The following PRKCH variants were observed in gnomAD, a reference collection of about 807,000 sequenced individuals.
PRKCH encodes protein kinase C eta.
In PRKCH, 28 loss-of-function variants were observed where a neutral mutation model predicts 82.5. The ratio of observed to expected loss-of-function variants is 0.34; its 90% CI spans 0.25 to 0.47. The LOEUF (loss-of-function observed/expected upper bound fraction) is 0.47, where lower values mean the gene tolerates loss of function less well. PRKCH is among the 20% of genes least tolerant of loss of function. The pLI is 1.00. For synonymous variants in PRKCH, 322 were observed against 327.4 expected (o/e 0.98, Z 0.18); for missense variants, 705 against 881.8 (o/e 0.80, Z 2.54).
intron 10 of PRKCH, among the ~76,000 whole-genome samples, chr14:61,491,469 T>A (rs902959632): frequency 6.6e-6 from 1 of 152,240 alleles, no homozygotes; most frequent in African/African-American, 2.4e-5. Context: ...CTGGGACTGA[T>A]ACTGGCTCTT....
At chr14:61,453,154 A>G (rs1884590610) in intron 6 of PRKCH, 72 bp from the exon 7 acceptor site, 1 of 1,574,598 alleles carries the variant, frequency 6.4e-7, no homozygotes, top group African/African-American at 1.4e-5. Context: ...TAGGCTATTA[A>G]AGTTCTCTGT....
intron 9 of PRKCH, among the ~76,000 whole-genome samples, chr14:61,463,968 A>G (rs1241503910): frequency 6.6e-6 from 1 of 152,222 alleles, no homozygotes; most frequent in Non-Finnish European, 1.5e-5. Flanking sequence ...CCATTCATCC[A>G]CTGGTGAACA....
chr14:61,482,391 T>C (rs1886020035), intron 9 of PRKCH, among the ~76,000 whole-genome samples: 1 of 152,226 alleles, frequency 6.6e-6, no homozygotes, highest in Non-Finnish European at 1.5e-5. Flanking sequence ...TCTTTGCCTC[T>C]CTGCAGCAAA....
At chr14:61,520,536 G>T (rs1294597786) in intron 10 of PRKCH, among the ~76,000 whole-genome samples, 2 of 151,982 alleles carry the variant, frequency 1.3e-5, no homozygotes, top group African/African-American at 2.4e-5. Flanking sequence ...CCCATAATAT[G>T]AGCTTCTTAA....
chr14:61,487,763 G>A (rs987568713), intron 10 of PRKCH, among the ~76,000 whole-genome samples: 7 of 152,032 alleles, frequency 4.6e-5, no homozygotes, highest in Admixed American at 2.6e-4. Flanking sequence ...AAGGCTGAGC[G>A]GGGAGGATCG....
chr14:61,393,889 C>G (rs1284642937), intron 2 of PRKCH, among the ~76,000 whole-genome samples: 10 of 152,240 alleles, frequency 6.6e-5, no homozygotes, highest in Admixed American at 6.5e-4. Flanking sequence ...CCCTCCTTCA[C>G]GTGTCAGATT....
intron 1 of PRKCH, among the ~76,000 whole-genome samples, chr14:61,206,802 GA>G (rs947153028): frequency 2.0e-5 from 3 of 147,296 alleles, no homozygotes; most frequent in Non-Finnish European, 4.4e-5. Context: ...CCTGTGATTA[GA>G]AAAAGAAAAA....
intron 4 of PRKCH, among the ~76,000 whole-genome samples, chr14:61,447,012 C>G (rs1392176843): frequency 1.3e-5 from 2 of 152,228 alleles, no homozygotes; most frequent in African/African-American, 4.8e-5. Flanking sequence ...CATGCAGACA[C>G]CACTTTGGTG....
rs138016019 is a variant in PRKCH at position 61,351,998 on chromosome 14, C to T, written c.363+29534C>T. ...GGAGAAGTTGCTTTCACGTTTTTCA[C>T]GGTCAACCTGGGTGGCCCTCACCAT... On this transcript the variant is annotated intron_variant, in intron 1 of 13. Coordinates refer to ENST00000332981, the MANE Select transcript of PRKCH (RefSeq NM_006255.5). Among the ~76,000 whole-genome samples, 632 of 152,224 alleles carry T rather than the reference C, an allele frequency of 4.2e-3. 4 individuals are homozygous for T. Among genetic ancestry groups the T allele is most frequent in the African/African-American group, 6.4e-3 (264 of 41,558 alleles).
intron 10 of PRKCH, among the ~76,000 whole-genome samples, chr14:61,503,300 T>G (rs1188366693): frequency 1.3e-5 from 2 of 151,868 alleles, no homozygotes; most frequent in Admixed American, 6.5e-5. Context: ...GTGGTTTTTT[T>G]TTTTTTTTTC....
intron 12 of PRKCH, among the ~76,000 whole-genome samples, chr14:61,539,530 C>T (rs1269978170): frequency 6.6e-6 from 1 of 152,156 alleles, no homozygotes; most frequent in Non-Finnish European, 1.5e-5. Context: ...AAGGCACTGA[C>T]CCACCGGCAT....
intron 2 of PRKCH, among the ~76,000 whole-genome samples, chr14:61,418,808 C>A (rs1277444249): frequency 1.3e-5 from 2 of 152,244 alleles, no homozygotes; most frequent in African/African-American, 4.8e-5. Flanking sequence ...GAATTATACT[C>A]TGCCCCTTCC....
chr14:61,391,839 A>G (rs1335538777), intron 2 of PRKCH, among the ~76,000 whole-genome samples: 2 of 152,214 alleles, frequency 1.3e-5, no homozygotes, highest in Non-Finnish European at 2.9e-5. Context: ...ACAAATGCAT[A>G]CAACTGCATA....
chr14:61,328,144 G>A (rs1385577541), intron 1 of PRKCH, among the ~76,000 whole-genome samples: 5 of 151,516 alleles, frequency 3.3e-5, no homozygotes, highest in Non-Finnish European at 7.4e-5. Context: ...CAGCTACTCG[G>A]GAGGCTGAGG....
At chr14:61,321,529 G>C (rs1174841407), upstream of PRKCH, among the ~76,000 whole-genome samples, 2 of 152,158 alleles carry the variant, frequency 1.3e-5, no homozygotes, top group Non-Finnish European at 2.9e-5. This position sits in a 1 kb window ranked among gnomAD's most constrained non-coding sequence, Gnocchi z 4.1. Context: ...CGCGGACCGC[G>C]GGCCACGCCC....
intron 1 of PRKCH, among the ~76,000 whole-genome samples, chr14:61,348,707 A>G (rs949154176): frequency 2.6e-5 from 4 of 152,092 alleles, no homozygotes; most frequent in African/African-American, 9.7e-5. Context: ...TGTTAATATC[A>G]CCTTTATTAG....
At chr14:61,376,558 GC>G (rs1158401614) in intron 1 of PRKCH, among the ~76,000 whole-genome samples, 1 of 152,092 alleles carries the variant, frequency 6.6e-6, no homozygotes, top group Non-Finnish European at 1.5e-5. Flanking sequence ...TACTACAGCT[GC>G]CTTTGGGCTT....
intron 2 of PRKCH, among the ~76,000 whole-genome samples, chr14:61,441,847 C>T (rs1275433993): frequency 1.3e-5 from 2 of 151,092 alleles, no homozygotes; most frequent in Non-Finnish European, 2.9e-5. Flanking sequence ...GATGGGGCCT[C>T]AGTATATTGT....
Position 61,247,685 on chromosome 14 carries a change from G to A in PRKCH, c.-19+60017G>A, listed in dbSNP as rs943783512. ...CTGGAGGCGGAGGTTACAGTGACCC[G>A]AGATTGCACCACTGCATTCCAGCTT... On this transcript the variant is annotated intron_variant, in intron 1 of 3. Coordinates refer to the PRKCH transcript ENST00000555185. Among the ~76,000 whole-genome samples, 5 of 126,152 alleles carry A rather than the reference G, an allele frequency of 4.0e-5. No individual in the cohort carries two copies. The South Asian group carries it at 1.0e-3, about 26-fold the overall frequency. The allele number at this position is 126,152 out of a possible 152,430, so 82.8% of individuals were successfully genotyped here. A position where few individuals can be genotyped will look rare whatever the true frequency, so the allele number is the denominator to read the frequency against.
Sources: gnomAD v4.1 joint callset for allele counts (sites outside exome capture counted in the v4.1 genomes callset) on GRCh38, gnomAD v4.1.1 for gene constraint, Gnocchi (gnomAD v3.1) non-coding constraint, MANE v1.5 for transcripts, NCBI Gene and HGNC (gene_info 2026-07-23, HGNC 2026-07-21) for gene names.